The following VKORC1L1 variants were observed in gnomAD, a reference collection of about 807,000 sequenced individuals.
VKORC1L1 encodes the protein vitamin K epoxide reductase complex subunit 1L1.
In VKORC1L1, 2 loss-of-function variants were observed where a neutral mutation model predicts 18.9. The ratio of observed to expected loss-of-function variants is 0.11; its 90% CI spans 0.04 to 0.33. The LOEUF (loss-of-function observed/expected upper bound fraction) is 0.33. Among genes scored for constraint, VKORC1L1 ranks in the 10% least tolerant of loss-of-function variants. VKORC1L1 has a pLI of 1.00. For missense variants in VKORC1L1, 123 were observed against 224.1 expected (o/e 0.55, Z 2.88); for synonymous variants, 96 against 100.0 (o/e 0.96, Z 0.24).
At chr7:65,900,315 G>A (rs1268981838) in intron 1 of VKORC1L1, among the ~76,000 whole-genome samples, 8 of 150,470 alleles carry the variant, frequency 5.3e-5, no homozygotes, top group South Asian at 2.1e-4. Flanking sequence ...GCATGAACCC[G>A]GGAGGGGAGG....
intron 1 of VKORC1L1, among the ~76,000 whole-genome samples, chr7:65,879,486 GTC>G (rs919893532): frequency 6.6e-6 from 1 of 152,176 alleles, no homozygotes; most frequent in Non-Finnish European, 1.5e-5. Context: ...CATTATTGAA[GTC>G]TCTCAAGAGT....
intron 1 of VKORC1L1, among the ~76,000 whole-genome samples, chr7:65,901,690 C>T (rs1789319836): frequency 6.6e-6 from 1 of 152,068 alleles, no homozygotes; most frequent in African/African-American, 2.4e-5. Context: ...GGAAGGTTGT[C>T]ATCATTCGTG....
Position 65,956,924 on chromosome 7 carries a change from A to G in VKORC1L1, c.*2624A>G, listed in dbSNP as rs1387657415. The G allele has an allele frequency of 2.0e-5, 3 of 152,200 alleles. No homozygotes were observed. The highest frequency in any genetic ancestry group is 1.5e-5 in the Non-Finnish European group (1 of 68,018). The allele number at this position is 152,200 out of a possible 1,614,324, so 9.4% of individuals were successfully genotyped here. ...TGATTTGTTCCAAATGAAGCCATTTATTGACTTGATGTTCACAAATATCAT... is the reference window on the plus strand; with the variant it reads ...TGATTTGTTCCAAATGAAGCCATTTGTTGACTTGATGTTCACAAATATCAT... On this transcript the variant is annotated 3_prime_UTR_variant, in exon 3 of 3. Transcript: ENST00000360768.
At chr7:65,874,626 TG>T (rs1344383414) in intron 1 of VKORC1L1, among the ~76,000 whole-genome samples, 1 of 151,850 alleles carries the variant, frequency 6.6e-6, no homozygotes, top group African/African-American at 2.4e-5. Context: ...GCCAACATGG[TG>T]AAACCCCGTC....
intron 1 of VKORC1L1, among the ~76,000 whole-genome samples, chr7:65,890,277 C>T (rs1789090411): frequency 1.3e-5 from 2 of 151,974 alleles, no homozygotes. Context: ...ACGACAGGCT[C>T]CTGCCACCAC....
chr7:65,938,406 G>T (rs1448343170), intron 1 of VKORC1L1, among the ~76,000 whole-genome samples: 2 of 152,136 alleles, frequency 1.3e-5, no homozygotes, highest in African/African-American at 4.8e-5. Flanking sequence ...TAGAAAAAAA[G>T]ATCAAAGAAA....
chr7:65,918,163 G>C (rs572730423), intron 1 of VKORC1L1, among the ~76,000 whole-genome samples: 1 of 152,114 alleles, frequency 6.6e-6, no homozygotes, highest in Non-Finnish European at 1.5e-5. Context: ...TGATTCTTTT[G>C]TTCTACTACA....
At chr7:65,947,393 A>G (rs1290135087) in intron 1 of VKORC1L1, among the ~76,000 whole-genome samples, 1 of 147,670 alleles carries the variant, frequency 6.8e-6, no homozygotes, top group African/African-American at 2.5e-5. Flanking sequence ...CTGATTCTCT[A>G]CTGACTTAAC....
intron 1 of VKORC1L1, among the ~76,000 whole-genome samples, chr7:65,900,042 CGTGTGTGTGTGTGTGT>C (rs58269522): frequency 0.015 from 2,169 of 140,930 alleles, 40 homozygotes; most frequent in East Asian, 0.041. Flanking sequence ...TGTGCACGCA[CGTGTGTGTGTGTGTGT>C]GTGTGTGTGT....
chr7:65,901,016 G>T (rs1461337131), intron 1 of VKORC1L1, among the ~76,000 whole-genome samples: 11 of 152,140 alleles, frequency 7.2e-5, no homozygotes, highest in Admixed American at 6.6e-5. Flanking sequence ...AGAAAATGAG[G>T]CAAGAATAGG....
At chr7:65,879,920 T>C (rs1454348503) in intron 1 of VKORC1L1, among the ~76,000 whole-genome samples, 1 of 151,898 alleles carries the variant, frequency 6.6e-6, no homozygotes, top group South Asian at 2.1e-4. Context: ...GGTGCAGTCA[T>C]GGCTCACTGC....
At chr7:65,943,868 G>C (rs898519657) in intron 1 of VKORC1L1, among the ~76,000 whole-genome samples, 2 of 152,080 alleles carry the variant, frequency 1.3e-5, no homozygotes, top group African/African-American at 4.8e-5. Flanking sequence ...TATTCTTAAG[G>C]TGGTAAAAGC....
chr7:65,900,321 G>C (rs1210094934), intron 1 of VKORC1L1, among the ~76,000 whole-genome samples: 2 of 150,956 alleles, frequency 1.3e-5, no homozygotes, highest in Non-Finnish European at 3.0e-5. Flanking sequence ...ACCCGGGAGG[G>C]GAGGCGGAGC....
chr7:65,927,440 T>C (rs1341652447), intron 1 of VKORC1L1, among the ~76,000 whole-genome samples: 1 of 152,202 alleles, frequency 6.6e-6, no homozygotes, highest in African/African-American at 2.4e-5. Flanking sequence ...AATTCATCCA[T>C]GTCAACCAAT....
At chr7:65,899,392 GA>G (rs1311814575) in intron 1 of VKORC1L1, among the ~76,000 whole-genome samples, 1 of 151,936 alleles carries the variant, frequency 6.6e-6, no homozygotes, top group East Asian at 1.9e-4. Context: ...CTCTGACCTG[GA>G]AAAAAGGGGG....
At chr7:65,932,791 T>C (rs761796498) in intron 1 of VKORC1L1, among the ~76,000 whole-genome samples, 2 of 152,074 alleles carry the variant, frequency 1.3e-5, no homozygotes, top group African/African-American at 2.4e-5. Flanking sequence ...GTAAGGAATG[T>C]GTGTGCAGCT....
rs144069777 is a variant in VKORC1L1, at chr7:65,914,248, C to T, written c.195-34423C>T. On this transcript the variant is annotated intron_variant, in intron 1 of 2. Coordinates refer to ENST00000360768, the MANE Select transcript of VKORC1L1 (RefSeq NM_173517.6). ...AGCCAAAGCTACAGGTGTGCACCAT[C>T]ATACCACCATGCCCAACTAATTTTG... Among the ~76,000 whole-genome samples, 94 of 152,284 alleles carry T rather than the reference C, an allele frequency of 6.2e-4. 1 individual carries two copies. The highest frequency in any genetic ancestry group is 2.1e-3 in the African/African-American group (89 of 41,556).
In VKORC1L1 at chr7:65,954,160, C is replaced by T. The variant is rs745350075; in HGVS notation, c.391C>T (p.Leu131=). The T allele has an allele frequency of 6.2e-7, 1 of 1,614,084 alleles. No individual in the cohort carries two copies. The highest frequency in any genetic ancestry group is 8.5e-7 in the Non-Finnish European group (1 of 1,179,968). The change falls in exon 3 of 3, where the codon CTG becomes TTG. Residue 131 remains leucine (L), a synonymous_variant. Coordinates refer to ENST00000360768, the MANE Select transcript of VKORC1L1 (RefSeq NM_173517.6). Reference sequence around the variant, plus strand: ...GGGGTCCCTGTACCTGGCCTACATTCTGTACTTTGTGCTGAAGGAGTTCTG... The same window carrying T: ...GGGGTCCCTGTACCTGGCCTACATTTTGTACTTTGTGCTGAAGGAGTTCTG... The part of the protein sequence containing the change: ...VVGSLYLAYI[L]YFVLKEFCII...
chr7:65,948,616 T>C (rs1174583743), intron 1 of VKORC1L1, 55 bp from the exon 2 acceptor site: 91 of 638,426 alleles, frequency 1.4e-4, no homozygotes, highest in South Asian at 1.3e-3. Flanking sequence ...TAATGATACA[T>C]TTTTTAAAAT....
Sources: allele counts gnomAD v4.1 joint callset (sites outside exome capture counted in the v4.1 genomes callset), GRCh38; gene constraint gnomAD v4.1.1; transcripts MANE v1.5; gene names NCBI Gene and HGNC (gene_info 2026-07-23, HGNC 2026-07-21).